The following CNKSR3 variants were observed in gnomAD, a reference collection of about 807,000 sequenced individuals.
CNKSR3 encodes the protein CNKSR family member 3.
Under a neutral mutation model 67.7 loss-of-function variants are expected in CNKSR3, and 36 were observed. That is an observed-to-expected ratio of 0.53 (90% CI 0.41 to 0.70). CNKSR3 has a LOEUF of 0.70. Ranked by LOEUF, CNKSR3 falls within the 30% of genes least tolerant of loss-of-function variation. The pLI, the probability that CNKSR3 is intolerant of heterozygous loss-of-function variation, is 0.00. For missense variants in CNKSR3, 630 were observed against 695.2 expected (o/e 0.91, Z 1.05); for synonymous variants, 281 against 271.4 (o/e 1.04, Z -0.35).
rs1047897967 is a variant in CNKSR3 at position 154,394,256 on chromosome 6, C to T, written c.*12098G>A. The T allele has an allele frequency of 5.9e-5, 9 of 152,360 alleles. No homozygotes were observed. In the East Asian group the frequency reaches 1.7e-3, roughly 29 times the overall value. The allele number at this position is 152,360 out of a possible 1,614,324, so 9.4% of individuals were successfully genotyped here. A position where few individuals can be genotyped will look rare whatever the true frequency, so the allele number is the denominator to read the frequency against. ...CTTGAACTTCTGGTCTCAAGCAATC[C>T]TCCCAGCTCAATCTCCCAATTGTTG... On this transcript the variant is annotated 3_prime_UTR_variant, in exon 13 of 13. Transcript: ENST00000607772.
In CNKSR3 at chr6:154,391,540, C is replaced by T. The variant is rs556581241; in HGVS notation, c.*14814G>A. On this transcript the variant is annotated 3_prime_UTR_variant, in exon 13 of 13. Coordinates refer to ENST00000607772, the MANE Select transcript of CNKSR3 (RefSeq NM_173515.4). ...GAGCAATCAGGCCCAGCCTGAATCA[C>T]TTCTTTAAAGACCGAATCTCCAAAT... The T allele has an allele frequency of 1.3e-5, 2 of 152,366 alleles. No homozygotes were observed. The highest frequency in any genetic ancestry group is 1.9e-4 in the East Asian group (1 of 5,174). 9.4% of individuals were successfully genotyped at this position (152,366 alleles called of 1,614,324 possible).
At chr6:154,422,793 G>T in intron 8 of CNKSR3, 122 bp downstream of exon 8, 1 of 1,155,558 alleles carries the variant, frequency 8.7e-7, no homozygotes, top group Non-Finnish European at 1.3e-6. Flanking sequence ...GCTCATGTTA[G>T]CACAACCTAA....
chr6:154,421,987 C>CTTTTTTTTT (rs34269095), intron 9 of CNKSR3, among the ~76,000 whole-genome samples: 2 of 127,336 alleles, frequency 1.6e-5, no homozygotes, highest in African/African-American at 3.0e-5. Context: ...TCATTTCATT[C>CTTTTTTTTT]TTTTTTTTTT....
rs138863165 is a variant in CNKSR3 at position 154,434,362 on chromosome 6, C to T, written c.508-855G>A. Among the ~76,000 whole-genome samples the T allele has an allele frequency of 6.0e-3, 911 of 152,222 alleles. 14 individuals carry two copies. The highest frequency in any genetic ancestry group is 0.02 in the African/African-American group (822 of 41,538). On this transcript the variant is annotated intron_variant, in intron 4 of 12. Coordinates refer to ENST00000607772, the MANE Select transcript of CNKSR3 (RefSeq NM_173515.4). ...ACAACTAGATTCTATAGAGTTTATT[C>T]AGCCCTATTAACTATAATCCCAAGT...
chr6:154,483,279 C>T (rs902945622), intron 1 of CNKSR3, among the ~76,000 whole-genome samples: 3 of 152,176 alleles, frequency 2.0e-5, no homozygotes, highest in Non-Finnish European at 4.4e-5. Context: ...AGACATTTAA[C>T]GTTCTTTAAC....
At position 154,411,061 on chromosome 6, in the gene CNKSR3, C is replaced by T. The variant is rs750522096; in HGVS notation, c.1152G>A (p.Pro384=). The change falls in exon 11 of 13, where the codon CCG becomes CCA. Residue 384 remains proline, a synonymous_variant. Coordinates refer to ENST00000607772, the MANE Select transcript of CNKSR3 (RefSeq NM_173515.4). ...GGCTTTCCTGGTCCAAGAAGGAATT[C>T]GGGGACTCTGAACCCTTAGGACCAG... The part of the protein sequence containing the change: ...PLPGPKGSES[P]NSFLDQESRR... 1.9e-5 allele frequency: 31 copies of T among 1,614,056 alleles called. No homozygotes were observed. The highest frequency in any genetic ancestry group is 3.3e-4 in the Middle Eastern group (2 of 6,062).
chr6:154,457,005 T>G (rs1325120488), intron 1 of CNKSR3, among the ~76,000 whole-genome samples: 1 of 152,142 alleles, frequency 6.6e-6, no homozygotes, highest in Non-Finnish European at 1.5e-5. Flanking sequence ...ATTCTCAGAA[T>G]TCCCAATACT....
At chr6:154,429,715 C>T (rs983695148) in intron 6 of CNKSR3, among the ~76,000 whole-genome samples, 6 of 152,176 alleles carry the variant, frequency 3.9e-5, no homozygotes, top group East Asian at 3.9e-4. Context: ...CCCCCTCCCC[C>T]GTCTCCTCCT....
chr6:154,459,244 C>T (rs75624591), intron 1 of CNKSR3, among the ~76,000 whole-genome samples: 204 of 152,026 alleles, frequency 1.3e-3, no homozygotes, highest in African/African-American at 4.8e-3. Flanking sequence ...TGACCCTGAT[C>T]AGAGCTGTGA....
Position 154,422,572 on chromosome 6 carries a change from G to A in CNKSR3, c.879C>T (p.Pro293=). ...TGVVLLLKKR[P]TGSFNFTPAP... ...CAGGAGTAAAGTTGAAAGACCCGGT[G>A]GGGCGCTTCTTAAGCAGTAACACAA... is the stretch of plus-strand genomic sequence containing the variant. Residue 293 remains proline (P), a synonymous_variant, in exon 9 of 13, where the codon CCC becomes CCT. Coordinates refer to ENST00000607772, the MANE Select transcript of CNKSR3 (RefSeq NM_173515.4). 6.2e-7 allele frequency: 1 copy of A among 1,614,000 alleles called. No homozygotes were observed. Among genetic ancestry groups the A allele is most frequent in the Non-Finnish European group, 8.5e-7 (1 of 1,179,956 alleles).
intron 9 of CNKSR3, 26 bp downstream of exon 9, chr6:154,422,480 G>A (rs1283282293): frequency 2.5e-6 from 4 of 1,604,340 alleles, no homozygotes; most frequent in Non-Finnish European, 1.7e-6. Flanking sequence ...ATTGTTGGAT[G>A]GAGGTTTACA....
intron 5 of CNKSR3, among the ~76,000 whole-genome samples, chr6:154,433,114 G>C (rs1460819813): frequency 6.6e-6 from 1 of 152,058 alleles, no homozygotes; most frequent in African/African-American, 2.4e-5. Flanking sequence ...TTTTTGCCAA[G>C]AATTTTTTTC....
intron 1 of CNKSR3, among the ~76,000 whole-genome samples, chr6:154,467,452 A>G (rs975548709): frequency 1.3e-5 from 2 of 152,076 alleles, no homozygotes; most frequent in Non-Finnish European, 1.5e-5. Flanking sequence ...CACTATACAC[A>G]CTGTCAACAG....
chr6:154,491,138 C>T (rs377675776), intron 1 of CNKSR3, among the ~76,000 whole-genome samples: 1 of 152,106 alleles, frequency 6.6e-6, no homozygotes, highest in Non-Finnish European at 1.5e-5. Context: ...TGAGCCACCG[C>T]GCCCGGCCCA....
chr6:154,467,046 G>A (rs1278696511), intron 1 of CNKSR3, among the ~76,000 whole-genome samples: 4 of 152,090 alleles, frequency 2.6e-5, no homozygotes, highest in Non-Finnish European at 5.9e-5. Context: ...CTTTGGGGAA[G>A]AGGAAAAGCA....
rs747706188 is a variant in CNKSR3 at position 154,450,271 on chromosome 6, A to G, written c.53-13T>C. On this transcript the variant is annotated splice_polypyrimidine_tract_variant and intron_variant, in intron 1 of 12. Transcript: ENST00000607772. ...CAGTCATCCAACCCTGCCAAAAACA[A>G]TCAGAAGTCCCATTATTGCCATTTT... 6.2e-7 allele frequency: 1 copy of G among 1,612,428 alleles called. No individual in the cohort carries two copies. Among genetic ancestry groups the G allele is most frequent in the South Asian group, 1.1e-5 (1 of 90,894 alleles).
chr6:154,417,087 C>T (rs1248537120), intron 9 of CNKSR3, among the ~76,000 whole-genome samples: 1 of 152,192 alleles, frequency 6.6e-6, no homozygotes, highest in East Asian at 1.9e-4. Context: ...TTGCCTCAAA[C>T]TCAATTATGC....
chr6:154,497,939 A>G (rs1010263216), intron 1 of CNKSR3, among the ~76,000 whole-genome samples: 1 of 152,178 alleles, frequency 6.6e-6, no homozygotes, highest in African/African-American at 2.4e-5. Flanking sequence ...CACACTCCCT[A>G]TTTTAGGTGA....
chr6:154,506,018 T>C (rs1787095544), intron 1 of CNKSR3, among the ~76,000 whole-genome samples: 1 of 152,184 alleles, frequency 6.6e-6, no homozygotes, highest in Non-Finnish European at 1.5e-5. Flanking sequence ...AGTTCAGATT[T>C]TGACCTAAGA....
Sources: gnomAD v4.1 joint callset for allele counts (sites outside exome capture counted in the v4.1 genomes callset) on GRCh38, gnomAD v4.1.1 for gene constraint, MANE v1.5 for transcripts, NCBI Gene and HGNC (gene_info 2026-07-23, HGNC 2026-07-21) for gene names.